The following FAM135B variants were observed in gnomAD, a reference collection of about 807,000 sequenced individuals.
FAM135B encodes family with sequence similarity 135 member B, also known as protein FAM135B.
A neutral mutation model predicts 127.7 loss-of-function variants in FAM135B; 43 were observed. The ratio of observed to expected loss-of-function variants is 0.34; its 90% CI spans 0.26 to 0.43. FAM135B has a LOEUF of 0.43. Ranked by LOEUF, FAM135B falls within the 20% of genes least tolerant of loss-of-function variation. The probability of loss-of-function intolerance (pLI) is 1.00; values close to 1 mark genes in which losing one functional copy is unlikely to be tolerated. For missense variants in FAM135B, 1,558 were observed against 1,725.6 expected (o/e 0.90, Z 1.72); for synonymous variants, 670 against 665.1 (o/e 1.01, Z -0.11).
rs575444192 is a variant in FAM135B, at chr8:138,281,233, C to T, written c.158-15391G>A. Among the ~76,000 whole-genome samples the T allele has an allele frequency of 2.0e-4, 30 of 152,162 alleles. 1 individual carries two copies. Among genetic ancestry groups the T allele is most frequent in the African/African-American group, 6.7e-4 (28 of 41,510 alleles). On this transcript the variant is annotated intron_variant, in intron 3 of 19. Coordinates refer to ENST00000395297, the MANE Select transcript of FAM135B (RefSeq NM_015912.4). ...ATTTTTCCTATTTTATTTTACATAT[C>T]CAACATTTCCTCCTAAACCAGATTC...
chr8:138,240,987 G>A (rs536569708), intron 7 of FAM135B, among the ~76,000 whole-genome samples: 2 of 152,264 alleles, frequency 1.3e-5, no homozygotes, highest in African/African-American at 2.4e-5. Flanking sequence ...ACGTTCTGAG[G>A]GCCAGCACTG....
intron 12 of FAM135B, among the ~76,000 whole-genome samples, chr8:138,154,275 A>AC (rs140170863): frequency 0.69 from 105,311 of 151,806 alleles, 36,577 homozygotes; most frequent in East Asian, 0.77. Flanking sequence ...CCACACCAAA[A>AC]CCCATCTGTA....
At chr8:138,312,987 T>C (rs748421443) in intron 2 of FAM135B, among the ~76,000 whole-genome samples, 1 of 152,192 alleles carries the variant, frequency 6.6e-6, no homozygotes, top group Non-Finnish European at 1.5e-5. Context: ...TGGCTATCCA[T>C]AGACAAAATA....
chr8:138,290,434 T>C (rs1040409203), intron 3 of FAM135B, among the ~76,000 whole-genome samples: 2 of 152,176 alleles, frequency 1.3e-5, no homozygotes, highest in African/African-American at 4.8e-5. Flanking sequence ...GCGGTCTCAA[T>C]GTGTCTATCT....
intron 1 of FAM135B, among the ~76,000 whole-genome samples, chr8:138,480,999 A>G (rs554567677): frequency 6.6e-6 from 1 of 152,380 alleles, no homozygotes; most frequent in South Asian, 2.1e-4. Flanking sequence ...CATGTGTTTG[A>G]ACACATTGTT....
At chr8:138,331,639 CA>C in intron 2 of FAM135B, among the ~76,000 whole-genome samples, 1 of 151,660 alleles carries the variant, frequency 6.6e-6, no homozygotes, top group African/African-American at 2.4e-5. Flanking sequence ...TTAGCAACCT[CA>C]CCTGATGACT....
At chr8:138,210,316 T>C (rs761623639) in intron 7 of FAM135B, among the ~76,000 whole-genome samples, 1 of 152,336 alleles carries the variant, frequency 6.6e-6, no homozygotes, top group East Asian at 1.9e-4. Context: ...GAGTCTCTTA[T>C]TGTGAGTTCT....
At chr8:138,305,794 G>A (rs913044894) in intron 3 of FAM135B, among the ~76,000 whole-genome samples, 3 of 152,046 alleles carry the variant, frequency 2.0e-5, no homozygotes, top group Non-Finnish European at 4.4e-5. Flanking sequence ...TATAATAAGT[G>A]AGCATGTTAG....
intron 1 of FAM135B, among the ~76,000 whole-genome samples, chr8:138,414,418 G>A (rs904561960): frequency 1.3e-5 from 2 of 152,060 alleles, no homozygotes; most frequent in Non-Finnish European, 2.9e-5. Context: ...TGTTGTTCCT[G>A]TTCTACCTAT....
Position 138,145,609 on chromosome 8 carries a change from C to G in FAM135B, c.3540+350G>C, listed in dbSNP as rs118036425. 2.5e-3 allele frequency among the ~76,000 whole-genome samples: 376 copies of G among 152,296 alleles called. 2 individuals carry two copies. Among genetic ancestry groups the G allele is most frequent in the Non-Finnish European group, 2.9e-3 (200 of 68,036 alleles). ...ATACCTCTGTGTACTGCATGGTGCACAACTTTGTATAGAGCAGGTGCCCAA... is the reference window on the plus strand; with the variant it reads ...ATACCTCTGTGTACTGCATGGTGCAGAACTTTGTATAGAGCAGGTGCCCAA... On this transcript the variant is annotated intron_variant, in intron 15 of 19. Coordinates refer to ENST00000395297, the MANE Select transcript of FAM135B (RefSeq NM_015912.4).
intron 7 of FAM135B, among the ~76,000 whole-genome samples, chr8:138,230,659 G>A (rs991254936): frequency 2.8e-4 from 42 of 152,152 alleles, no homozygotes; most frequent in African/African-American, 9.9e-4. Context: ...CCTTCTAGGA[G>A]ACTGTTCACC....
chr8:138,211,359 C>T (rs940167207), intron 7 of FAM135B, among the ~76,000 whole-genome samples: 3 of 152,062 alleles, frequency 2.0e-5, no homozygotes, highest in Admixed American at 6.6e-5. Flanking sequence ...ACAGATGCAC[C>T]GACAGAGGGG....
chr8:138,250,608 T>C (rs984521295), intron 6 of FAM135B, among the ~76,000 whole-genome samples: 3 of 152,202 alleles, frequency 2.0e-5, no homozygotes, highest in African/African-American at 7.2e-5. Flanking sequence ...CAAGTCTTCC[T>C]GGTGTAAGCC....
Position 138,195,248 on chromosome 8 carries a change from C to T in FAM135B, c.873+10G>A, listed in dbSNP as rs5008950. Reference sequence around the variant, plus strand: ...ATTCATTCAGACCCCAGCGCCAGTTCTCCAATTACCTGTAGCTCTGAGCAC... The same window carrying T: ...ATTCATTCAGACCCCAGCGCCAGTTTTCCAATTACCTGTAGCTCTGAGCAC... On this transcript the variant is annotated intron_variant, in intron 9 of 19. Coordinates refer to ENST00000395297, the MANE Select transcript of FAM135B (RefSeq NM_015912.4). 5.3e-3 allele frequency: 8,519 copies of T among 1,612,930 alleles called. 382 individuals carry two copies. The African/African-American group carries it at 0.096, about 18-fold the overall frequency.
rs532007972 is a variant in FAM135B, at chr8:138,307,421, C to T, written c.157+3420G>A. 3.2e-4 allele frequency among the ~76,000 whole-genome samples: 48 copies of T among 152,174 alleles called. 1 individual carries two copies. The highest frequency in any genetic ancestry group is 1.1e-3 in the African/African-American group (46 of 41,510). The stretch of plus-strand genomic sequence containing the variant: ...TATGTCTTTATCAGCAGCATGAAAA[C>T]AGACTAATACAGCACCCCTTCACCC... On this transcript the variant is annotated intron_variant, in intron 3 of 19. Transcript: ENST00000395297.
At chr8:138,142,012 T>C (rs963666988) in intron 16 of FAM135B, among the ~76,000 whole-genome samples, 1 of 152,196 alleles carries the variant, frequency 6.6e-6, no homozygotes, top group Non-Finnish European at 1.5e-5. Flanking sequence ...TGTCACCCTA[T>C]GAAACTGCCT....
chr8:138,473,838 G>A (rs1321683102), intron 1 of FAM135B, among the ~76,000 whole-genome samples: 1 of 152,134 alleles, frequency 6.6e-6, no homozygotes, highest in Non-Finnish European at 1.5e-5. Flanking sequence ...GACAGAGAGA[G>A]AGAGAGAGAG....
chr8:138,310,588 C>T (rs1826605447), intron 3 of FAM135B, among the ~76,000 whole-genome samples: 1 of 152,242 alleles, frequency 6.6e-6, no homozygotes, highest in South Asian at 2.1e-4. Flanking sequence ...CAACCCTCCA[C>T]AGCCAGTTTA....
At chr8:138,159,471 G>T (rs1012168184) in intron 12 of FAM135B, among the ~76,000 whole-genome samples, 1 of 150,946 alleles carries the variant, frequency 6.6e-6, no homozygotes, top group African/African-American at 2.4e-5. Context: ...GGATGAAGCT[G>T]GAAACTATCA....
Sources: gnomAD v4.1 joint callset for allele counts (sites outside exome capture counted in the v4.1 genomes callset) on GRCh38, gnomAD v4.1.1 for gene constraint, MANE v1.5 for transcripts, NCBI Gene and HGNC (gene_info 2026-07-23, HGNC 2026-07-21) for gene names.